Variants in SEMA3E observed in about 807,000 individuals in gnomAD.
SEMA3E encodes the protein semaphorin-3E.
In SEMA3E, 49 loss-of-function variants were observed where a neutral mutation model predicts 93.6. That is an observed-to-expected ratio of 0.52 (90% CI 0.42 to 0.66). The LOEUF (loss-of-function observed/expected upper bound fraction) is 0.66. Ranked by LOEUF, SEMA3E falls within the 30% of genes least tolerant of loss-of-function variation. The pLI, the probability that SEMA3E is intolerant of heterozygous loss-of-function variation, is 0.00. For synonymous variants in SEMA3E, 363 were observed against 330.7 expected (o/e 1.10, Z -1.06); for missense variants, 906 against 964.8 (o/e 0.94, Z 0.81).
chr7:83,528,916 G>T, intron 1 of SEMA3E, among the ~76,000 whole-genome samples: 1 of 151,946 alleles, frequency 6.6e-6, no homozygotes, highest in Non-Finnish European at 1.5e-5. Context: ...GTTTAAATAC[G>T]TGAAAAATAT....
rs1232872023 is a variant in SEMA3E at position 83,387,849 on chromosome 7, TG to T, written c.1668-800del. Among the ~76,000 whole-genome samples the T allele has an allele frequency of 1.8e-3, 215 of 120,296 alleles. 1 individual carries two copies. Among genetic ancestry groups the T allele is most frequent in the Non-Finnish European group, 3.4e-3 (178 of 51,854 alleles). 78.9% of individuals were successfully genotyped at this position (120,296 alleles called of 152,430 possible). ...TTATATATATATAACGTTATATATA[TG>T]TTTATATATATATAACATTATATAT... On this transcript the variant is annotated intron_variant, in intron 14 of 16. Coordinates refer to ENST00000643230, the MANE Select transcript of SEMA3E (RefSeq NM_012431.3).
intron 4 of SEMA3E, among the ~76,000 whole-genome samples, chr7:83,422,682 C>T (rs1300299767): frequency 6.6e-6 from 1 of 152,144 alleles, no homozygotes; most frequent in Admixed American, 6.6e-5. Flanking sequence ...TAGCTTAATT[C>T]AGTTTTTGAT....
At chr7:83,521,422 A>G (rs1376602121) in intron 1 of SEMA3E, among the ~76,000 whole-genome samples, 2 of 152,156 alleles carry the variant, frequency 1.3e-5, no homozygotes, top group Admixed American at 6.6e-5. Context: ...TAGCTAGGGC[A>G]TAGTTGGTAT....
intron 1 of SEMA3E, among the ~76,000 whole-genome samples, chr7:83,559,263 G>T (rs1306720416): frequency 6.6e-6 from 1 of 152,004 alleles, no homozygotes; most frequent in Non-Finnish European, 1.5e-5. Flanking sequence ...AAGATTGAAA[G>T]GTGATATATA....
intron 1 of SEMA3E, among the ~76,000 whole-genome samples, chr7:83,633,019 C>G (rs973776942): frequency 6.6e-6 from 1 of 151,972 alleles, no homozygotes; most frequent in African/African-American, 2.4e-5. Context: ...ATACAATTTT[C>G]CTAAACTATA....
chr7:83,623,800 T>C lies in SEMA3E; in HGVS notation c.115+24628A>G, dbSNP rs568685103. The stretch of plus-strand genomic sequence containing the variant: ...GTGCAGTTTATTACATAAGTATATA[T>C]GTGCCATAGTGGTTTGCTGCACCCA... On this transcript the variant is annotated intron_variant, in intron 1 of 16. Transcript: ENST00000643230. 2.6e-4 allele frequency among the ~76,000 whole-genome samples: 39 copies of C among 152,254 alleles called. 1 individual carries two copies. The highest frequency in any genetic ancestry group is 8.7e-4 in the African/African-American group (36 of 41,540).
At chr7:83,381,889 A>G (rs1405914828) in intron 16 of SEMA3E, among the ~76,000 whole-genome samples, 3 of 151,972 alleles carry the variant, frequency 2.0e-5, no homozygotes, top group Non-Finnish European at 4.4e-5. Flanking sequence ...GTTGTGTAAC[A>G]ATGGTTCCTG....
chr7:83,580,675 A>T (rs1300875527), intron 1 of SEMA3E, among the ~76,000 whole-genome samples: 1 of 151,970 alleles, frequency 6.6e-6, no homozygotes, highest in Non-Finnish European at 1.5e-5. Flanking sequence ...CACGTGATAA[A>T]TTTCTTTTCC....
intron 1 of SEMA3E, among the ~76,000 whole-genome samples, chr7:83,524,042 A>G (rs1396605303): frequency 6.6e-6 from 1 of 152,190 alleles, no homozygotes; most frequent in African/African-American, 2.4e-5. Flanking sequence ...ATTAATTTAA[A>G]TATTGTTATC....
chr7:83,633,992 T>C (rs879445390), intron 1 of SEMA3E, among the ~76,000 whole-genome samples: 5 of 152,178 alleles, frequency 3.3e-5, no homozygotes, highest in Non-Finnish European at 7.4e-5. Flanking sequence ...GGCAATTTTG[T>C]ATTTGTTTTC....
intron 1 of SEMA3E, among the ~76,000 whole-genome samples, chr7:83,595,381 G>A (rs1792850805): frequency 6.6e-6 from 1 of 151,918 alleles, no homozygotes; most frequent in Non-Finnish European, 1.5e-5. Flanking sequence ...ACAGTACAGA[G>A]TTTACATATA....
intron 1 of SEMA3E, among the ~76,000 whole-genome samples, chr7:83,639,110 C>CAAAAAAAAAAA (rs1172097095): frequency 0.02 from 541 of 27,478 alleles, 54 homozygotes; most frequent in Non-Finnish European, 0.023. Context: ...GACTCCGTCT[C>CAAAAAAAAAAA]AAAAAAAAAA....
chr7:83,411,568 AAATAAT>A (rs1395903556), intron 5 of SEMA3E, among the ~76,000 whole-genome samples: 2 of 152,054 alleles, frequency 1.3e-5, no homozygotes, highest in Non-Finnish European at 2.9e-5. Context: ...AGTGAAAAAT[AAATAAT>A]AATATTAATA....
At chr7:83,460,381 A>G (rs2115854439) in intron 4 of SEMA3E, among the ~76,000 whole-genome samples, 1 of 151,768 alleles carries the variant, frequency 6.6e-6, no homozygotes, top group South Asian at 2.1e-4. Context: ...TTTCTGGGAG[A>G]GACAAAGGAG....
intron 5 of SEMA3E, among the ~76,000 whole-genome samples, chr7:83,415,182 T>C (rs1788517188): frequency 6.6e-6 from 1 of 152,132 alleles, no homozygotes; most frequent in Non-Finnish European, 1.5e-5. Flanking sequence ...AATGCAGCAA[T>C]TCATTATACT....
chr7:83,394,651 A>C (rs12112723), intron 12 of SEMA3E, among the ~76,000 whole-genome samples: 1 of 152,172 alleles, frequency 6.6e-6, no homozygotes, highest in Admixed American at 6.6e-5. Context: ...TCTTTAAATA[A>C]AATAATAAAG....
chr7:83,444,973 A>G (rs532581629), intron 4 of SEMA3E, among the ~76,000 whole-genome samples: 17 of 152,140 alleles, frequency 1.1e-4, no homozygotes, highest in Non-Finnish European at 2.1e-4. Flanking sequence ...GACCAGCCTC[A>G]GCATTTCAAA....
chr7:83,531,492 A>G (rs1791300655), intron 1 of SEMA3E, among the ~76,000 whole-genome samples: 1 of 151,788 alleles, frequency 6.6e-6, no homozygotes. Context: ...AGCTGGGATT[A>G]CAGGTGCGTG....
rs768302569 is a variant in SEMA3E, at chr7:83,408,427, C to T, written c.611G>A (p.Arg204His). Reference protein sequence around the residue: ...DYWSRDAAIFRSMGRLAHIRT... With the variant: ...DYWSRDAAIFHSMGRLAHIRT... Reference sequence around the variant, plus strand: ...GATATGGGCCAGTCGCCCCATGCTGCGGAAGATCGCAGCGTCTCTGCTCCA... The same window carrying T: ...GATATGGGCCAGTCGCCCCATGCTGTGGAAGATCGCAGCGTCTCTGCTCCA... Residue 204 changes from arginine to histidine, a missense_variant, in exon 6 of 17, where the codon CGC (arginine) becomes CAC (histidine). Arg to His is a conservative substitution (Grantham distance 29). Coordinates refer to ENST00000643230, the MANE Select transcript of SEMA3E (RefSeq NM_012431.3). The T allele has an allele frequency of 6.8e-6, 11 of 1,613,628 alleles. No individual in the cohort carries two copies. Among genetic ancestry groups the T allele is most frequent in the South Asian group, 2.2e-5 (2 of 91,090 alleles).
Sources: allele counts gnomAD v4.1 joint callset (sites outside exome capture counted in the v4.1 genomes callset), GRCh38; gene constraint gnomAD v4.1.1; transcripts MANE v1.5; gene names NCBI Gene and HGNC (gene_info 2026-07-23, HGNC 2026-07-21).